The following CDH18 variants were observed in gnomAD, a reference collection of about 807,000 sequenced individuals.
The protein encoded by CDH18 is cadherin-18.
In CDH18, 31 loss-of-function variants were observed where a neutral mutation model predicts 67.9. That is an observed-to-expected ratio of 0.46 (90% confidence interval 0.34 to 0.62). The LOEUF (loss-of-function observed/expected upper bound fraction) is 0.62, where lower values mean the gene tolerates loss of function less well. CDH18 is among the 20% of genes least tolerant of loss of function. CDH18 has a pLI of 0.01. For synonymous variants in CDH18, 362 were observed against 347.2 expected (o/e 1.04, Z -0.48); for missense variants, 890 against 975.5 (o/e 0.91, Z 1.17).
At chr5:20,353,922 T>C (rs1445588305) in intron 1 of CDH18, among the ~76,000 whole-genome samples, 1 of 152,200 alleles carries the variant, frequency 6.6e-6, no homozygotes, top group Non-Finnish European at 1.5e-5. Context: ...TGATTAGAAC[T>C]TTCTTGTTCT....
At chr5:20,060,973 A>T (rs1396646435) in intron 2 of CDH18, among the ~76,000 whole-genome samples, 1 of 152,062 alleles carries the variant, frequency 6.6e-6, no homozygotes, top group Non-Finnish European at 1.5e-5. Flanking sequence ...GCTTCAAAAT[A>T]GAAAGCTGAT....
intron 1 of CDH18, among the ~76,000 whole-genome samples, chr5:20,560,409 A>G (rs1011104052): frequency 6.6e-6 from 1 of 151,502 alleles, no homozygotes; most frequent in Non-Finnish European, 1.5e-5. Flanking sequence ...TTAAGAATTG[A>G]AAAAGTATGT....
At chr5:19,808,069 T>C (rs1159020927) in intron 3 of CDH18, among the ~76,000 whole-genome samples, 1 of 152,006 alleles carries the variant, frequency 6.6e-6, no homozygotes, top group Non-Finnish European at 1.5e-5. Flanking sequence ...CACCAAACAA[T>C]AGAAAACAAG....
intron 2 of CDH18, among the ~76,000 whole-genome samples, chr5:20,116,259 T>G (rs2126381662): frequency 1.3e-5 from 2 of 152,054 alleles, no homozygotes; most frequent in Middle Eastern, 6.8e-3. Flanking sequence ...CCAGCTTTTC[T>G]GCATAATGGG....
chr5:19,944,585 TCCTCTG>T (rs966050645), intron 2 of CDH18, among the ~76,000 whole-genome samples: 1 of 152,164 alleles, frequency 6.6e-6, no homozygotes, highest in Admixed American at 6.6e-5. Flanking sequence ...GTTCTTTCTG[TCCTCTG>T]CCTATTGCAC....
chr5:19,998,795 G>C (rs1736217687), intron 2 of CDH18, among the ~76,000 whole-genome samples: 1 of 152,102 alleles, frequency 6.6e-6, no homozygotes, highest in Admixed American at 6.6e-5. Context: ...GCCAAGCTTA[G>C]ATAAATGAAT....
At chr5:19,556,235 C>A (rs1043866537) in intron 8 of CDH18, among the ~76,000 whole-genome samples, 14 of 152,062 alleles carry the variant, frequency 9.2e-5, no homozygotes, top group Non-Finnish European at 1.8e-4. Flanking sequence ...CCAAAAAGAT[C>A]ACACTAGATT....
chr5:20,436,035 C>T (rs533392293), intron 1 of CDH18, among the ~76,000 whole-genome samples: 3 of 152,100 alleles, frequency 2.0e-5, no homozygotes, highest in African/African-American at 7.2e-5. Flanking sequence ...GAACTGAGCA[C>T]ACTGAGATTT....
chr5:19,980,642 T>C (rs1334460288), intron 2 of CDH18, among the ~76,000 whole-genome samples: 1 of 152,168 alleles, frequency 6.6e-6, no homozygotes, highest in Non-Finnish European at 1.5e-5. Flanking sequence ...CCACAGGTGT[T>C]TGCTGCTCCA....
intron 9 of CDH18, among the ~76,000 whole-genome samples, chr5:19,529,043 A>G (rs1223604385): frequency 6.6e-6 from 1 of 151,906 alleles, no homozygotes; most frequent in Non-Finnish European, 1.5e-5. Context: ...ATCACAAAGG[A>G]TCGTAAAATG....
chr5:19,697,343 C>T (rs777230762), intron 5 of CDH18, among the ~76,000 whole-genome samples: 1 of 152,032 alleles, frequency 6.6e-6, no homozygotes, highest in South Asian at 2.1e-4. Flanking sequence ...TTTAATATAG[C>T]TCATATAAAT....
intron 2 of CDH18, among the ~76,000 whole-genome samples, chr5:20,232,091 A>G (rs1422227379): frequency 6.6e-6 from 1 of 152,100 alleles, no homozygotes; most frequent in East Asian, 1.9e-4. Context: ...AAGCAATTCT[A>G]AATTGATTTC....
chr5:20,335,479 G>A (rs1190605909), intron 1 of CDH18, among the ~76,000 whole-genome samples: 4 of 152,090 alleles, frequency 2.6e-5, no homozygotes, highest in East Asian at 1.9e-4. Flanking sequence ...CCAGCCTCAA[G>A]TGATCCTCCC....
intron 2 of CDH18, among the ~76,000 whole-genome samples, chr5:20,085,249 G>T (rs984859553): frequency 2.0e-5 from 3 of 152,124 alleles, no homozygotes; most frequent in Non-Finnish European, 4.4e-5. Context: ...GGGGCAAAAT[G>T]CTGCCAGTCT....
intron 3 of CDH18, among the ~76,000 whole-genome samples, chr5:19,777,528 C>T (rs1279214495): frequency 6.6e-6 from 1 of 152,234 alleles, no homozygotes; most frequent in East Asian, 1.9e-4. Flanking sequence ...GTTGGCCGGC[C>T]ACACTGTGCT....
At chr5:19,874,613 T>G (rs1478219041) in intron 2 of CDH18, among the ~76,000 whole-genome samples, 2 of 152,184 alleles carry the variant, frequency 1.3e-5, no homozygotes, top group Non-Finnish European at 2.9e-5. Context: ...TGTTCCTTAT[T>G]AGTAGAAAAT....
At chr5:20,325,643 T>G (rs1738496422) in intron 1 of CDH18, among the ~76,000 whole-genome samples, 1 of 152,116 alleles carries the variant, frequency 6.6e-6, no homozygotes, top group African/African-American at 2.4e-5. Context: ...TATGTGCTTT[T>G]CTTTTCTGTC....
At chr5:19,823,975 C>A (rs1780153405) in intron 3 of CDH18, among the ~76,000 whole-genome samples, 1 of 151,944 alleles carries the variant, frequency 6.6e-6, no homozygotes, top group African/African-American at 2.4e-5. Flanking sequence ...TCCTAAATGA[C>A]TTTTGAGTAA....
At chr5:19,716,854 A>T (rs1213178373) in intron 5 of CDH18, among the ~76,000 whole-genome samples, 1 of 152,132 alleles carries the variant, frequency 6.6e-6, no homozygotes, top group East Asian at 1.9e-4. Flanking sequence ...CAGCCGCTAT[A>T]TTTTATAAAT....
Sources: allele counts gnomAD v4.1 joint callset (sites outside exome capture counted in the v4.1 genomes callset), GRCh38; gene constraint gnomAD v4.1.1; transcripts MANE v1.5; gene names NCBI Gene and HGNC (gene_info 2026-07-23, HGNC 2026-07-21).